ALK: variants seen among roughly 807,000 people sequenced by gnomAD.
ALK encodes ALK receptor tyrosine kinase, also known as ALK tyrosine kinase receptor.
ALK carries 74 observed loss-of-function variants against 163.1 expected under a neutral mutation model. That is an observed-to-expected ratio of 0.45 (90% confidence interval 0.38 to 0.55). The LOEUF (loss-of-function observed/expected upper bound fraction) is 0.55, where lower values mean the gene tolerates loss of function less well. Ranked by LOEUF, ALK falls within the 20% of genes least tolerant of loss-of-function variation. ALK has a pLI of 0.00. For missense variants in ALK, 2,063 were observed against 2,105.3 expected, an observed-to-expected ratio of 0.98 and a Z score of 0.39; for synonymous variants, 960 against 843.2, an observed-to-expected ratio of 1.14 and a Z score of -2.40.
chr2:29,299,427 A>C (rs1306589554), intron 8 of ALK, among the ~76,000 whole-genome samples: 1 of 152,234 alleles, frequency 6.6e-6, no homozygotes, highest in East Asian at 1.9e-4. Context: ...TGAATTCTCC[A>C]TTTCAGAATG....
chr2:29,308,898 G>GTT (rs1388626802), intron 8 of ALK, among the ~76,000 whole-genome samples: 47 of 146,234 alleles, frequency 3.2e-4, no homozygotes, highest in Middle Eastern at 3.5e-3. Flanking sequence ...GTTTCTGTCT[G>GTT]GTTTTTTTTT....
chr2:29,671,691 T>G (rs1376144382), intron 3 of ALK, among the ~76,000 whole-genome samples: 1 of 151,978 alleles, frequency 6.6e-6, no homozygotes, highest in African/African-American at 2.4e-5. Flanking sequence ...TCCTACTACT[T>G]GCTTAGAATA....
intron 1 of ALK, among the ~76,000 whole-genome samples, chr2:29,886,150 A>T (rs143013563): frequency 1.1e-3 from 167 of 152,322 alleles, no homozygotes; most frequent in African/African-American, 3.5e-3. Context: ...TGTTAATAAC[A>T]TTTCCTTTCC....
chr2:29,249,184 G>T (rs1664757517), intron 12 of ALK, among the ~76,000 whole-genome samples: 2 of 152,332 alleles, frequency 1.3e-5, no homozygotes, highest in East Asian at 1.9e-4. Context: ...CCATTCAAGG[G>T]ATCTCCTGAG....
chr2:29,264,007 T>C (rs1189078797), intron 11 of ALK, among the ~76,000 whole-genome samples: 1 of 152,246 alleles, frequency 6.6e-6, no homozygotes, highest in Non-Finnish European at 1.5e-5. Flanking sequence ...AGAATCCTGC[T>C]GCTGTCTCTC....
chr2:29,744,603 T>TATTG (rs1183617104), intron 1 of ALK, among the ~76,000 whole-genome samples: 1 of 152,080 alleles, frequency 6.6e-6, no homozygotes, highest in Non-Finnish European at 1.5e-5. Flanking sequence ...GAAATTATTT[T>TATTG]ATTGATTGAT....
At chr2:29,668,084 A>G (rs1305656674) in intron 3 of ALK, among the ~76,000 whole-genome samples, 1 of 152,088 alleles carries the variant, frequency 6.6e-6, no homozygotes, top group Non-Finnish European at 1.5e-5. Flanking sequence ...ATAGTTGTTC[A>G]TAATAGTCTC....
In ALK at chr2:29,318,285, G is replaced by C. The variant is rs373994762; in HGVS notation, c.1647+19C>G. The stretch of plus-strand genomic sequence containing the variant: ...GGTGGGAGGAGAAATTAGAGAACTA[G>C]AGAAACAAGGAGACTTGCCTCACAT... On this transcript the variant is annotated intron_variant, in intron 8 of 28. Coordinates refer to ENST00000389048, the MANE Select transcript of ALK (RefSeq NM_004304.5). The C allele has an allele frequency of 6.3e-7, 1 of 1,587,962 alleles. No homozygotes were observed. The highest frequency in any genetic ancestry group is 8.6e-7 in the Non-Finnish European group (1 of 1,156,326).
In ALK at chr2:29,222,529, T is replaced by G. The variant is rs141041751; in HGVS notation, c.3438A>C (p.Gln1146His). ...AGCCACTTCTTACCTTCACAGCCAC[T>G]TGCAGGGGGCTTGGGTCGTTGGGCA... ...SGMPNDPSPL[Q>H]VAVKTLPEVC... The change falls in exon 21 of 29, where the codon CAA becomes CAC. Residue 1146 changes from glutamine (Q) to histidine (H), a missense_variant. Physicochemically the swap from Gln to His is conservative, Grantham distance 24 (BLOSUM62 0). This residue lies in a region of ALK where 575 missense variants were observed against 626.6 expected (regional missense o/e 0.92). Coordinates refer to ENST00000389048, the MANE Select transcript of ALK (RefSeq NM_004304.5). The G allele has an allele frequency of 1.2e-6, 2 of 1,614,128 alleles. No homozygotes were observed. Among genetic ancestry groups the G allele is most frequent in the Admixed American group, 1.7e-5 (1 of 60,020 alleles).
At chr2:29,532,217 T>C (rs1673140732) in intron 3 of ALK, 101 bp from the exon 4 acceptor site, 2 of 1,100,082 alleles carry the variant, frequency 1.8e-6, no homozygotes, top group Non-Finnish European at 1.4e-6. Context: ...AAATCAGAGA[T>C]ACTGGAGGCC....
chr2:29,553,869 G>GT (rs1055026815), intron 3 of ALK, among the ~76,000 whole-genome samples: 12 of 151,730 alleles, frequency 7.9e-5, no homozygotes, highest in African/African-American at 1.5e-4. Flanking sequence ...TGAATTGTCT[G>GT]TTTTTTTTGT....
In ALK at chr2:29,754,909, G is replaced by C. The variant is rs1680470855; in HGVS notation, c.668-37212C>G. On this transcript the variant is annotated intron_variant, in intron 1 of 28. Transcript: ENST00000389048. ...ACAAATAGTAGTATAGAAGTGTTCA[G>C]GACAAAAATGTCTCTTGGTCTCAGG... Among the ~76,000 whole-genome samples, 3 of 152,224 alleles carry C rather than the reference G, an allele frequency of 2.0e-5. No homozygotes were observed. The South Asian group carries it at 6.2e-4, about 32-fold the overall frequency.
chr2:29,850,886 A>AC (rs1448156598), intron 1 of ALK, among the ~76,000 whole-genome samples: 1 of 152,124 alleles, frequency 6.6e-6, no homozygotes. Flanking sequence ...CCTCTAAGCC[A>AC]CTGCCACAAC....
intron 8 of ALK, among the ~76,000 whole-genome samples, chr2:29,306,243 A>G (rs1175944235): frequency 6.6e-6 from 1 of 151,554 alleles, no homozygotes; most frequent in African/African-American, 2.4e-5. Flanking sequence ...TATTCCACCC[A>G]TTTTTCAGAT....
intron 4 of ALK, among the ~76,000 whole-genome samples, chr2:29,523,686 G>A (rs1672874091): frequency 6.6e-6 from 1 of 152,040 alleles, no homozygotes; most frequent in Admixed American, 6.5e-5. Flanking sequence ...TGGCCAAGAT[G>A]CCATTCTGAC....
intron 1 of ALK, among the ~76,000 whole-genome samples, chr2:29,867,226 A>G (rs763302839): frequency 6.6e-6 from 1 of 152,204 alleles, no homozygotes; most frequent in Non-Finnish European, 1.5e-5. Context: ...AAGATGGCAA[A>G]ATAAAGTTAT....
chr2:29,915,527 C>T lies in ALK; in HGVS notation c.667+4466G>A, dbSNP rs896524203. Among the ~76,000 whole-genome samples, 5 of 152,194 alleles carry T rather than the reference C, an allele frequency of 3.3e-5. No individual in the cohort carries two copies. The South Asian group carries it at 8.3e-4, about 25-fold the overall frequency. ...GAGCCACTGCGGCCAGCCTAGATACCCATTTTTATTAATAATCACACTCTC... is the reference window on the plus strand; with the variant it reads ...GAGCCACTGCGGCCAGCCTAGATACTCATTTTTATTAATAATCACACTCTC... On this transcript the variant is annotated intron_variant, in intron 1 of 28. Transcript: ENST00000389048.
chr2:29,440,589 T>C (rs1219590014), intron 4 of ALK, among the ~76,000 whole-genome samples: 1 of 152,158 alleles, frequency 6.6e-6, no homozygotes, highest in East Asian at 1.9e-4. Flanking sequence ...AGTGCTGGGA[T>C]TACAGGCATA....
chr2:29,699,640 A>C (rs1678674138), intron 2 of ALK, among the ~76,000 whole-genome samples: 1 of 152,218 alleles, frequency 6.6e-6, no homozygotes, highest in Non-Finnish European at 1.5e-5. Context: ...TATTTTCTAA[A>C]TGTCAGGCCC....
Sources: gnomAD v4.1 joint callset for allele counts (sites outside exome capture counted in the v4.1 genomes callset) on GRCh38, gnomAD v4.1.1 for gene constraint, gnomAD v4.1.1 regional missense constraint, MANE v1.5 for transcripts, NCBI Gene and HGNC (gene_info 2026-07-23, HGNC 2026-07-21) for gene names.